The following CSMD1 variants were observed in gnomAD, a reference collection of about 807,000 sequenced individuals.
CSMD1 encodes the protein CUB and sushi domain-containing protein 1.
CSMD1 carries 213 observed loss-of-function variants against 417.5 expected under a neutral mutation model. That is an observed-to-expected ratio of 0.51 (90% CI 0.46 to 0.57). CSMD1 has a LOEUF of 0.57. Among genes scored for constraint, CSMD1 ranks in the 20% least tolerant of loss-of-function variants. The pLI is 0.00. For missense variants in CSMD1, 6,923 were observed against 4,529.7 expected (o/e 1.53, Z -15.17); for synonymous variants, 2,862 against 1,736.8 (o/e 1.65, Z -16.11).
chr8:2,981,572 T>G (rs1302285699), intron 54 of CSMD1, among the ~76,000 whole-genome samples: 1 of 152,216 alleles, frequency 6.6e-6, no homozygotes, highest in Non-Finnish European at 1.5e-5. Context: ...AAACCTGACA[T>G]GGAACCTGAT....
chr8:3,732,104 G>A (rs962722753), intron 6 of CSMD1, among the ~76,000 whole-genome samples: 2 of 152,194 alleles, frequency 1.3e-5, no homozygotes, highest in Non-Finnish European at 2.9e-5. Flanking sequence ...ACCAGGGAAA[G>A]GAGGGCCTTG....
At chr8:4,573,415 C>A (rs1798980676) in intron 2 of CSMD1, among the ~76,000 whole-genome samples, 1 of 152,160 alleles carries the variant, frequency 6.6e-6, no homozygotes, top group South Asian at 2.1e-4. Context: ...TGGAGGTCCA[C>A]TCCAGACCCT....
intron 3 of CSMD1, among the ~76,000 whole-genome samples, chr8:4,162,036 T>G (rs1797203839): frequency 6.6e-6 from 1 of 152,212 alleles, no homozygotes. Context: ...TTTGCTAAAC[T>G]AAGCAATTTC....
chr8:4,210,246 C>G (rs954113584), intron 3 of CSMD1, among the ~76,000 whole-genome samples: 2 of 152,204 alleles, frequency 1.3e-5, no homozygotes, highest in Admixed American at 6.5e-5. Context: ...ACAGGAGGGG[C>G]AGAGGACTGC....
intron 37 of CSMD1, among the ~76,000 whole-genome samples, chr8:3,169,757 C>T (rs1011590259): frequency 9.9e-5 from 15 of 152,122 alleles, no homozygotes; most frequent in African/African-American, 3.1e-4. Context: ...AGATATAGCA[C>T]GGTTTCTTTT....
chr8:3,574,909 G>A, intron 10 of CSMD1, 36 bp downstream of exon 10: 1 of 1,607,850 alleles, frequency 6.2e-7, no homozygotes, highest in South Asian at 1.1e-5. Flanking sequence ...AGAGTGCTGT[G>A]TGCATTAACC....
chr8:3,530,768 A>C (rs1173304130), intron 10 of CSMD1, among the ~76,000 whole-genome samples: 4 of 151,764 alleles, frequency 2.6e-5, no homozygotes, highest in Non-Finnish European at 4.4e-5. Flanking sequence ...ACCTCAGGTG[A>C]TTCTCCTGCC....
chr8:4,030,233 G>T (rs543380556), intron 4 of CSMD1, among the ~76,000 whole-genome samples: 57 of 152,162 alleles, frequency 3.7e-4, no homozygotes, highest in Non-Finnish European at 7.2e-4. Flanking sequence ...ACTCTGTGGG[G>T]GAGCTCTGAC....
Position 3,199,771 on chromosome 8 carries a change from G to A in CSMD1, c.5137C>T (p.Leu1713Phe), listed in dbSNP as rs771364242. Reference protein sequence around the residue: ...LPLATSNQILLRFSAKSGASA... With the variant: ...LPLATSNQILFRFSAKSGASA... ...GCACCGCTCTTTGCACTGAATCGGAGCAGAATTTGATTTGACGTAGCCAAG... is the reference window on the plus strand; with the variant it reads ...GCACCGCTCTTTGCACTGAATCGGAACAGAATTTGATTTGACGTAGCCAAG... Residue 1713 changes from leucine (L) to phenylalanine (F), a missense_variant, in exon 33 of 70, where the codon CTC (leucine) becomes TTC (phenylalanine). Leu to Phe is a conservative substitution (Grantham distance 22, BLOSUM62 0). Coordinates refer to ENST00000635120, the MANE Select transcript of CSMD1 (RefSeq NM_033225.6). 7 of 1,585,308 alleles carry A rather than the reference G, an allele frequency of 4.4e-6. No individual in the cohort carries two copies. Among genetic ancestry groups the A allele is most frequent in the Non-Finnish European group, 6.0e-6 (7 of 1,165,348 alleles).
rs547821332 is a variant in CSMD1 at position 3,292,547 on chromosome 8, T to C, written c.3951-8201A>G. Among the ~76,000 whole-genome samples the C allele has an allele frequency of 9.9e-4, 151 of 152,268 alleles. 1 individual carries two copies. Among genetic ancestry groups the C allele is most frequent in the Admixed American group, 9.5e-3 (145 of 15,290 alleles). On this transcript the variant is annotated intron_variant, in intron 25 of 69. Transcript: ENST00000635120. ...ACATATATATTTAGGAGAGCTAGCT[T>C]TTCTTGTTGAATTGATCCCTTTACC...
intron 1 of CSMD1, among the ~76,000 whole-genome samples, chr8:4,972,623 T>C (rs1161588535): frequency 1.3e-5 from 2 of 152,142 alleles, no homozygotes; most frequent in Admixed American, 6.6e-5. Flanking sequence ...TATAGCAGTA[T>C]GAAAATGAAC....
intron 3 of CSMD1, among the ~76,000 whole-genome samples, chr8:4,078,108 A>C (rs1799929177): frequency 6.6e-6 from 1 of 152,144 alleles, no homozygotes; most frequent in Admixed American, 6.5e-5. Flanking sequence ...TCTTCAAATA[A>C]TTTACATGGA....
chr8:3,125,200 T>G (rs1817431197), intron 41 of CSMD1, among the ~76,000 whole-genome samples: 1 of 152,164 alleles, frequency 6.6e-6, no homozygotes, highest in Non-Finnish European at 1.5e-5. Flanking sequence ...TGCTGAAGAA[T>G]TTTGGAAGGA....
rs139521402 is a variant in CSMD1, at chr8:4,451,586, A to T, written c.303-31521T>A. On this transcript the variant is annotated intron_variant, in intron 2 of 69. Transcript: ENST00000635120. ...ATAGAGTGAAGACAAAGAAAGCCTT[A>T]AAAAGAAGACCATTTTAGAGGTTAT... 5.2e-3 allele frequency among the ~76,000 whole-genome samples: 785 copies of T among 152,314 alleles called. 5 individuals carry two copies. The highest frequency in any genetic ancestry group is 0.018 in the African/African-American group (736 of 41,566).
chr8:4,124,618 C>G (rs369823023), intron 3 of CSMD1, among the ~76,000 whole-genome samples: 7 of 152,224 alleles, frequency 4.6e-5, no homozygotes, highest in African/African-American at 7.2e-5. Context: ...GCACGCACAG[C>G]CAGACCTCAC....
chr8:3,622,785 C>G (rs902480135), intron 7 of CSMD1, among the ~76,000 whole-genome samples: 4 of 82,172 alleles, frequency 4.9e-5, no homozygotes, highest in African/African-American at 2.2e-4. Context: ...TAAATCCCAA[C>G]TATGTATTCC....
rs1204133004 is a variant in CSMD1 at position 3,142,505 on chromosome 8, G to A, written c.6201C>T (p.Asp2067=). ...THETLIHFYS[D]HSQNRQGFKL... is the part of the protein sequence containing the mutation. ...TAAATCCTTGCCGGTTTTGCGAATG[G>A]TCACTATAAAAGTGGATGAGGGTTT... is the stretch of plus-strand genomic sequence containing the variant. Residue 2067 remains aspartate (D), a synonymous_variant, in exon 41 of 70, where the codon GAC becomes GAT. Coordinates refer to ENST00000635120, the MANE Select transcript of CSMD1 (RefSeq NM_033225.6). 3 of 1,613,966 alleles carry A rather than the reference G, an allele frequency of 1.9e-6. No homozygotes were observed. Among genetic ancestry groups the A allele is most frequent in the South Asian group, 2.2e-5 (2 of 91,080 alleles).
Position 3,524,582 on chromosome 8 carries a change from C to G in CSMD1, c.1345-30856G>C, listed in dbSNP as rs778843759. ...ACACATGCATACCCAGACACTTATGCACACACAAGGACACACATCCACACA... is the reference window on the plus strand; with the variant it reads ...ACACATGCATACCCAGACACTTATGGACACACAAGGACACACATCCACACA... On this transcript the variant is annotated intron_variant, in intron 10 of 69. Coordinates refer to ENST00000635120, the MANE Select transcript of CSMD1 (RefSeq NM_033225.6). Among the ~76,000 whole-genome samples the G allele has an allele frequency of 7.9e-5, 12 of 150,954 alleles. 1 individual carries two copies. The highest frequency in any genetic ancestry group is 1.3e-4 in the Non-Finnish European group (9 of 67,704).
At chr8:4,512,608 C>G (rs1265690137) in intron 2 of CSMD1, among the ~76,000 whole-genome samples, 1 of 152,006 alleles carries the variant, frequency 6.6e-6, no homozygotes, top group Non-Finnish European at 1.5e-5. Flanking sequence ...AAAGTTAACA[C>G]TAATGCACAA....
Sources: gnomAD v4.1 joint callset for allele counts (sites outside exome capture counted in the v4.1 genomes callset) on GRCh38, gnomAD v4.1.1 for gene constraint, MANE v1.5 for transcripts, NCBI Gene and HGNC (gene_info 2026-07-23, HGNC 2026-07-21) for gene names.